TACR1: variants seen among roughly 807,000 people sequenced by gnomAD.
The protein encoded by TACR1 is substance-P receptor.
A neutral mutation model predicts 35.8 loss-of-function variants in TACR1; 25 were observed. That is an observed-to-expected ratio of 0.70 (90% CI 0.51 to 0.98). TACR1 has a LOEUF of 0.98. Among genes scored for constraint, TACR1 ranks in the 50% least tolerant of loss-of-function variants. The pLI is 0.00. For synonymous variants in TACR1, 195 were observed against 206.7 expected, an observed-to-expected ratio of 0.94 and a Z score of 0.48; for missense variants, 478 against 522.9, an observed-to-expected ratio of 0.91 and a Z score of 0.84.
At chr2:75,154,404 G>GCGCGCGCGCGCGCGCGCGCGCA (rs1364962469) in intron 1 of TACR1, 1 of 84,422 alleles carries the variant, frequency 1.2e-5, no homozygotes, top group Admixed American at 1.2e-4. Flanking sequence ...AGCCAAGAGC[G>GCGCGCGCGCGCGCGCGCGCGCA]CGCACGCACA....
At chr2:75,129,605 T>C (rs1674140615) in intron 1 of TACR1, among the ~76,000 whole-genome samples, 2 of 152,202 alleles carry the variant, frequency 1.3e-5, no homozygotes, top group South Asian at 4.1e-4. Flanking sequence ...ACCTCACAAC[T>C]ATGTACAATT....
intron 1 of TACR1, among the ~76,000 whole-genome samples, chr2:75,142,855 C>G (rs553903170): frequency 3.0e-4 from 46 of 152,326 alleles, no homozygotes; most frequent in African/African-American, 1.1e-3. Flanking sequence ...GAATTGGAAT[C>G]TTCCAGAGCC....
At chr2:75,090,960 G>A (rs533414705) in intron 2 of TACR1, 1 of 152,338 alleles carries the variant, frequency 6.6e-6, no homozygotes, top group Admixed American at 6.6e-5. Flanking sequence ...CTGTGGAAAC[G>A]GGGCCACCTA....
At chr2:75,087,444 C>T (rs1673210699) in intron 2 of TACR1, among the ~76,000 whole-genome samples, 1 of 152,182 alleles carries the variant, frequency 6.6e-6, no homozygotes, top group Non-Finnish European at 1.5e-5. Context: ...TTGGAAGACA[C>T]CATTAATAGA....
chr2:75,104,130 G>A (rs1344249236), intron 2 of TACR1, among the ~76,000 whole-genome samples: 3 of 151,990 alleles, frequency 2.0e-5, no homozygotes, highest in East Asian at 1.9e-4. Context: ...TTAATGGATT[G>A]AAAAATTAAG....
At chr2:75,169,854 C>T (rs1186344572) in intron 1 of TACR1, among the ~76,000 whole-genome samples, 1 of 152,052 alleles carries the variant, frequency 6.6e-6, no homozygotes, top group Non-Finnish European at 1.5e-5. Context: ...ATTTTTCTCT[C>T]CAGTTTTCAT....
In TACR1 at chr2:75,083,603, G is replaced by C. The variant is rs1014684912; in HGVS notation, c.585-29848C>G. ...TGTTTGTATCCTCTTTTATTTCCTT[G>C]AGCAGTGGTTTGTAGTTCTCCTTGA... On this transcript the variant is annotated intron_variant, in intron 2 of 4. Transcript: ENST00000305249. 2.3e-3 allele frequency among the ~76,000 whole-genome samples: 344 copies of C among 152,158 alleles called. 1 individual carries two copies. The highest frequency in any genetic ancestry group is 0.01 in the Middle Eastern group (3 of 294).
Position 75,137,357 on chromosome 2 carries a change from T to C in TACR1, c.390-16589A>G, listed in dbSNP as rs143500352. On this transcript the variant is annotated intron_variant, in intron 1 of 4. Coordinates refer to ENST00000305249, the MANE Select transcript of TACR1 (RefSeq NM_001058.4). The stretch of plus-strand genomic sequence containing the variant: ...TTTTATAAACAGAATCCTAGACATA[T>C]AGGTAGAGTGGTCACGCATGGTGCG... 3.9e-3 allele frequency among the ~76,000 whole-genome samples: 599 copies of C among 152,304 alleles called. 6 individuals are homozygous for C. Among genetic ancestry groups the C allele is most frequent in the African/African-American group, 0.013 (541 of 41,580 alleles).
intron 2 of TACR1, among the ~76,000 whole-genome samples, chr2:75,108,824 A>G (rs1185155141): frequency 6.6e-6 from 1 of 152,228 alleles, no homozygotes; most frequent in African/African-American, 2.4e-5. Context: ...AGCTGGAAAA[A>G]ATAAAATCAT....
intron 2 of TACR1, among the ~76,000 whole-genome samples, chr2:75,084,491 C>T (rs1482141240): frequency 6.6e-6 from 1 of 152,180 alleles, no homozygotes; most frequent in Non-Finnish European, 1.5e-5. Flanking sequence ...GGAATAGTTT[C>T]AGAAGGAATG....
intron 3 of TACR1, among the ~76,000 whole-genome samples, chr2:75,052,137 T>C (rs1248577040): frequency 3.3e-5 from 5 of 152,210 alleles, no homozygotes; most frequent in Non-Finnish European, 7.3e-5. Context: ...GTTGAAATCC[T>C]AACCCCTAAG....
intron 1 of TACR1, among the ~76,000 whole-genome samples, chr2:75,129,336 A>G (rs1674136671): frequency 6.6e-6 from 1 of 152,170 alleles, no homozygotes; most frequent in Non-Finnish European, 1.5e-5. Flanking sequence ...TTAGAATTGT[A>G]TTTTCATCTT....
In TACR1 at chr2:75,081,757, T is replaced by G. The variant is rs115071851; in HGVS notation, c.585-28002A>C. Among the ~76,000 whole-genome samples, 1,004 of 152,204 alleles carry G rather than the reference T, an allele frequency of 6.6e-3. 12 individuals carry two copies. The highest frequency in any genetic ancestry group is 0.023 in the African/African-American group (949 of 41,516). On this transcript the variant is annotated intron_variant, in intron 2 of 4. Coordinates refer to ENST00000305249, the MANE Select transcript of TACR1 (RefSeq NM_001058.4). ...GTTTTTCAAGGTAAGGGATAGAGATTTTAATTCATCATTTATTAGCATGAC... is the reference window on the plus strand; with the variant it reads ...GTTTTTCAAGGTAAGGGATAGAGATGTTAATTCATCATTTATTAGCATGAC...
intron 2 of TACR1, among the ~76,000 whole-genome samples, chr2:75,063,112 C>T (rs556806658): frequency 2.0e-5 from 3 of 152,174 alleles, no homozygotes; most frequent in Admixed American, 6.5e-5. Context: ...CTCACTATCA[C>T]GAGAACAGCA....
At chr2:75,154,528 T>TGAAGAAACCCAGTGGAGATTCAGCA (rs1674793985) in intron 1 of TACR1, 1 of 110,582 alleles carries the variant, frequency 9.0e-6, no homozygotes, top group African/African-American at 4.3e-5. Flanking sequence ...ACACACACAC[T>TGAAGAAACCCAGTGGAGATTCAGCA]CTCTGAAGAA....
intron 1 of TACR1, among the ~76,000 whole-genome samples, chr2:75,123,337 T>C (rs377643956): frequency 2.6e-5 from 4 of 152,194 alleles, no homozygotes; most frequent in African/African-American, 9.7e-5. Flanking sequence ...TTGTTTCTCA[T>C]TCAGGATAAA....
At chr2:75,191,040 T>C (rs943815365) in intron 1 of TACR1, among the ~76,000 whole-genome samples, 5 of 152,200 alleles carry the variant, frequency 3.3e-5, no homozygotes, top group Non-Finnish European at 5.9e-5. Context: ...TTCGTATGTC[T>C]CCAGGTCATC....
intron 2 of TACR1, among the ~76,000 whole-genome samples, chr2:75,060,464 G>A (rs2103795827): frequency 1.3e-5 from 2 of 152,224 alleles, no homozygotes; most frequent in Middle Eastern, 6.8e-3. Context: ...ACTATAGGGA[G>A]GGGAGGGAGC....
chr2:75,190,498 G>A (rs1039664833), intron 1 of TACR1, among the ~76,000 whole-genome samples: 1 of 152,202 alleles, frequency 6.6e-6, no homozygotes, highest in African/African-American at 2.4e-5. Flanking sequence ...TGTACTTGAT[G>A]TAGAAGGAAT....
Sources: allele counts gnomAD v4.1 joint callset (sites outside exome capture counted in the v4.1 genomes callset), GRCh38; gene constraint gnomAD v4.1.1; transcripts MANE v1.5; gene names NCBI Gene and HGNC (gene_info 2026-07-23, HGNC 2026-07-21).